CDK14: variants seen among roughly 807,000 people sequenced by gnomAD.
CDK14 encodes the protein cyclin dependent kinase 14, also known as cyclin-dependent kinase 14.
In CDK14, 34 loss-of-function variants were observed where a neutral mutation model predicts 60.7. The observed-to-expected ratio is 0.56, with a 90% CI of 0.43 to 0.75. CDK14 has a LOEUF of 0.75. CDK14 is among the 30% of genes least tolerant of loss of function. The pLI, the probability that CDK14 is intolerant of heterozygous loss-of-function variation, is 0.00. For missense variants in CDK14, 482 were observed against 564.1 expected, an observed-to-expected ratio of 0.85 and a Z score of 1.47; for synonymous variants, 197 against 203.7, an observed-to-expected ratio of 0.97 and a Z score of 0.28.
chr7:91,194,003 C>T (rs986000137), intron 14 of CDK14, among the ~76,000 whole-genome samples: 2 of 152,112 alleles, frequency 1.3e-5, no homozygotes, highest in African/African-American at 4.8e-5. Context: ...TCAGATATGT[C>T]TTATTTGAAT....
intron 2 of CDK14, chr7:90,632,354 G>A (rs1014485949): frequency 3.1e-6 from 1 of 321,168 alleles, no homozygotes; most frequent in Non-Finnish European, 6.5e-6. Context: ...TTTATTGCCT[G>A]TTCAGTGCTG....
chr7:91,047,887 C>A (rs1797286000), intron 11 of CDK14, among the ~76,000 whole-genome samples: 1 of 152,064 alleles, frequency 6.6e-6, no homozygotes, highest in Admixed American at 6.5e-5. Context: ...CAGGGGAGCC[C>A]CAGTCCCTGA....
At chr7:91,088,602 TACTC>T (rs1798709347) in intron 12 of CDK14, among the ~76,000 whole-genome samples, 1 of 151,258 alleles carries the variant, frequency 6.6e-6, no homozygotes, top group African/African-American at 2.4e-5. Context: ...TGGTTATTAT[TACTC>T]AGACTATAAA....
chr7:91,045,128 G>A (rs1331555075), intron 10 of CDK14, among the ~76,000 whole-genome samples: 2 of 152,088 alleles, frequency 1.3e-5, no homozygotes, highest in African/African-American at 4.8e-5. Context: ...CCCCTTTCTA[G>A]GTTCTTAACC....
In CDK14 at chr7:91,112,766, T is replaced by A; in HGVS notation, c.1294+85T>A. On this transcript the variant is annotated intron_variant, in intron 13 of 14. Coordinates refer to ENST00000380050, the MANE Select transcript of CDK14 (RefSeq NM_001287135.2). ...CTGTATGTAACGTGTATGCAGAGAT[T>A]CACATATTTGTGTGTCCACAAACAT... 2.1e-6 allele frequency: 3 copies of A among 1,411,196 alleles called. No individual in the cohort carries two copies. The South Asian group carries it at 3.7e-5, about 17-fold the overall frequency. The allele number at this position is 1,411,196 out of a possible 1,614,324, so 87.4% of individuals were successfully genotyped here.
chr7:90,718,949 C>T (rs889059129), intron 2 of CDK14, among the ~76,000 whole-genome samples: 1 of 152,100 alleles, frequency 6.6e-6, no homozygotes, highest in African/African-American at 2.4e-5. Context: ...AGGGAGAAAA[C>T]TTGTTGTTCT....
At chr7:91,053,931 A>G (rs1292059670) in intron 11 of CDK14, among the ~76,000 whole-genome samples, 2 of 152,256 alleles carry the variant, frequency 1.3e-5, no homozygotes, top group South Asian at 4.1e-4. Context: ...CATCCAGCCT[A>G]CAGACTTGCT....
intron 3 of CDK14, among the ~76,000 whole-genome samples, chr7:90,736,703 G>A (rs1324947808): frequency 1.3e-5 from 2 of 152,142 alleles, no homozygotes; most frequent in Non-Finnish European, 2.9e-5. Flanking sequence ...AGCTGAAAAG[G>A]AAGGAAAATG....
At chr7:90,626,446 A>G (rs929333424) in intron 2 of CDK14, among the ~76,000 whole-genome samples, 2 of 152,126 alleles carry the variant, frequency 1.3e-5, no homozygotes, top group Admixed American at 1.3e-4. Context: ...TTGTTTGGCT[A>G]CCTCCAAAAT....
chr7:91,018,108 A>G (rs2115857360), intron 10 of CDK14, among the ~76,000 whole-genome samples: 1 of 152,344 alleles, frequency 6.6e-6, no homozygotes, highest in East Asian at 1.9e-4. Flanking sequence ...TCTTCAGTAC[A>G]AAGGAAGCAA....
chr7:90,802,377 G>A (rs530355471), intron 5 of CDK14, among the ~76,000 whole-genome samples: 4 of 152,240 alleles, frequency 2.6e-5, no homozygotes, highest in Admixed American at 1.3e-4. Flanking sequence ...ACTATTTGTA[G>A]CATCATTGTT....
At chr7:91,028,841 A>G (rs971914958) in intron 10 of CDK14, among the ~76,000 whole-genome samples, 1 of 152,022 alleles carries the variant, frequency 6.6e-6, no homozygotes, top group Admixed American at 6.5e-5. Flanking sequence ...GATTCTGGAT[A>G]TTAGTCCTTT....
chr7:90,939,898 T>A (rs1793864945), intron 8 of CDK14, among the ~76,000 whole-genome samples: 2 of 152,102 alleles, frequency 1.3e-5, no homozygotes. Flanking sequence ...CCACCCAGTC[T>A]TTAACTCACT....
At chr7:90,762,248 T>G (rs1425459036) in intron 4 of CDK14, among the ~76,000 whole-genome samples, 1 of 152,112 alleles carries the variant, frequency 6.6e-6, no homozygotes, top group African/African-American at 2.4e-5. Flanking sequence ...TTATACCAAA[T>G]GAAGGAGCTA....
At chr7:90,822,909 T>C (rs1789599728) in intron 5 of CDK14, among the ~76,000 whole-genome samples, 1 of 152,192 alleles carries the variant, frequency 6.6e-6, no homozygotes, top group South Asian at 2.1e-4. Flanking sequence ...TGTATAATGC[T>C]TGCACTGTGT....
chr7:90,755,258 A>G (rs1381333010), intron 4 of CDK14, among the ~76,000 whole-genome samples: 1 of 152,242 alleles, frequency 6.6e-6, no homozygotes, highest in Admixed American at 6.5e-5. Flanking sequence ...TGTGGTACAT[A>G]TACACCACAG....
intron 4 of CDK14, among the ~76,000 whole-genome samples, chr7:90,774,584 G>C (rs933428909): frequency 2.0e-5 from 3 of 152,228 alleles, no homozygotes; most frequent in Middle Eastern, 3.4e-3. Context: ...AAGTATGCAA[G>C]TAATACATTT....
At chr7:90,969,968 CTTTT>C (rs11317741) in intron 9 of CDK14, among the ~76,000 whole-genome samples, 6 of 122,408 alleles carry the variant, frequency 4.9e-5, no homozygotes, top group Non-Finnish European at 7.0e-5. Flanking sequence ...AATTTTTAAG[CTTTT>C]TTTTTTTTTT....
At chr7:90,860,260 AT>A (rs1790962034) in intron 5 of CDK14, among the ~76,000 whole-genome samples, 1 of 151,852 alleles carries the variant, frequency 6.6e-6, no homozygotes, top group African/African-American at 2.4e-5. Flanking sequence ...CAGTTCTTTT[AT>A]TCTTACACAG....
Sources: gnomAD v4.1 joint callset for allele counts (sites outside exome capture counted in the v4.1 genomes callset) on GRCh38, gnomAD v4.1.1 for gene constraint, MANE v1.5 for transcripts, NCBI Gene and HGNC (gene_info 2026-07-23, HGNC 2026-07-21) for gene names.